DMTF1: variants seen among roughly 807,000 people sequenced by gnomAD.
DMTF1 encodes cyclin D binding myb like transcription factor 1.
In DMTF1, 39 loss-of-function variants were observed where a neutral mutation model predicts 91.1. The observed-to-expected ratio is 0.43, with a 90% CI of 0.33 to 0.56. DMTF1 has a LOEUF of 0.56. DMTF1 is among the 20% of genes least tolerant of loss of function. The pLI, the probability that DMTF1 is intolerant of heterozygous loss-of-function variation, is 0.05. For missense variants in DMTF1, 750 were observed against 914.5 expected (o/e 0.82, Z 2.32); for synonymous variants, 338 against 309.5 (o/e 1.09, Z -0.97).
intron 4 of DMTF1, among the ~76,000 whole-genome samples, chr7:87,168,606 A>T (rs1212072653): frequency 6.6e-6 from 1 of 152,152 alleles, no homozygotes; most frequent in Non-Finnish European, 1.5e-5. Context: ...GCATTCACCA[A>T]GTCCTTTTTT....
chr7:87,189,041 C>T (rs1367664664), intron 13 of DMTF1, among the ~76,000 whole-genome samples: 1 of 152,110 alleles, frequency 6.6e-6, no homozygotes, highest in Non-Finnish European at 1.5e-5. Context: ...TAGTCTCAAC[C>T]AGGTGATTAT....
At chr7:87,175,614 T>G (rs1796103887) in intron 7 of DMTF1, among the ~76,000 whole-genome samples, 1 of 152,260 alleles carries the variant, frequency 6.6e-6, no homozygotes, top group East Asian at 1.9e-4. Flanking sequence ...TGTACAAGAT[T>G]ACAGAAAGAA....
intron 3 of DMTF1, 70 bp from the exon 4 acceptor site, chr7:87,166,413 G>C (rs1584261282): frequency 2.7e-6 from 4 of 1,493,988 alleles, no homozygotes; most frequent in Non-Finnish European, 3.6e-6. Flanking sequence ...GAAAATTGTA[G>C]AGCCATTGTT....
intron 1 of DMTF1, among the ~76,000 whole-genome samples, chr7:87,161,403 G>A (rs186743995): frequency 0.011 from 1,728 of 152,308 alleles, 31 homozygotes; most frequent in African/African-American, 0.039. Flanking sequence ...TCAGGAGGCT[G>A]AGGCAGGAGA....
At chr7:87,192,196 A>G (rs1049466341) in intron 14 of DMTF1, among the ~76,000 whole-genome samples, 5 of 152,134 alleles carry the variant, frequency 3.3e-5, no homozygotes, top group African/African-American at 4.8e-5. Context: ...TATTAACAGG[A>G]TAATAATAGT....
chr7:87,183,675 C>T (rs1317161013), intron 10 of DMTF1, among the ~76,000 whole-genome samples: 1 of 152,040 alleles, frequency 6.6e-6, no homozygotes, highest in African/African-American at 2.4e-5. Context: ...CTAGTAATAA[C>T]AAAATGGAAA....
chr7:87,164,394 T>C (rs1246178526), intron 2 of DMTF1: 2 of 152,248 alleles, frequency 1.3e-5, no homozygotes, highest in Non-Finnish European at 2.9e-5. Flanking sequence ...ACTCGTCTTT[T>C]AAAATTACAA....
intron 8 of DMTF1, 94 bp downstream of exon 8, chr7:87,179,796 G>A: frequency 1.7e-6 from 2 of 1,172,284 alleles, no homozygotes; most frequent in Non-Finnish European, 2.4e-6. Flanking sequence ...TATGGTCAAG[G>A]TATTAATTGT....
chr7:87,186,134 C>A, intron 12 of DMTF1, 154 bp downstream of exon 12: 1 of 769,666 alleles, frequency 1.3e-6, no homozygotes, highest in Non-Finnish European at 2.1e-6. Context: ...TTGTTTCCTT[C>A]CCCAGAGAAG....
intron 7 of DMTF1, among the ~76,000 whole-genome samples, chr7:87,177,807 G>C (rs1313817211): frequency 6.7e-6 from 1 of 149,822 alleles, no homozygotes; most frequent in African/African-American, 2.5e-5. Flanking sequence ...AATTTACAGT[G>C]TCCATTCTGT....
At chr7:87,162,232 C>T (rs1355871832) in intron 1 of DMTF1, among the ~76,000 whole-genome samples, 1 of 152,116 alleles carries the variant, frequency 6.6e-6, no homozygotes, top group South Asian at 2.1e-4. Flanking sequence ...CACCACCACA[C>T]CTGGCTAATT....
At position 87,174,604 on chromosome 7, in the gene DMTF1, A is replaced by G; in HGVS notation, c.454A>G (p.Lys152Glu). ...DSLTNKGHKW[K>E]QGMWSKEEID... ...GTTTTCTTTTAAAGGACATAAATGG[A>G]AGCAGGGGATGTGGTCCAAGGAAGA... The change falls in exon 7 of 18, where the codon AAG becomes GAG. Residue 152 changes from lysine (K) to glutamate (E), a missense_variant. Transcript: ENST00000331242. 1 of 1,608,238 alleles carries G rather than the reference A, an allele frequency of 6.2e-7. No individual in the cohort carries two copies. Among genetic ancestry groups the G allele is most frequent in the Admixed American group, 1.7e-5 (1 of 59,598 alleles).
chr7:87,160,791 AT>A (rs1792126319), intron 1 of DMTF1, among the ~76,000 whole-genome samples: 1 of 152,082 alleles, frequency 6.6e-6, no homozygotes, highest in Non-Finnish European at 1.5e-5. Flanking sequence ...TTCTTAGTTA[AT>A]ACCTCTTAGG....
rs1283983402 is a variant in DMTF1, at chr7:87,195,741, A to T, written c.*601A>T. ...AAAGCATTAAAAGTTAAAATTCACT[A>T]CAGGTTTTTTGTTACTTTTAAAGGG... On this transcript the variant is annotated 3_prime_UTR_variant, in exon 18 of 18. Coordinates refer to ENST00000331242, the MANE Select transcript of DMTF1 (RefSeq NM_001142327.2). 1 of 152,514 alleles carries T rather than the reference A, an allele frequency of 6.6e-6. No individual in the cohort carries two copies. The highest frequency in any genetic ancestry group is 1.5e-5 in the Non-Finnish European group (1 of 67,986). 9.4% of individuals were successfully genotyped at this position (152,514 alleles called of 1,614,324 possible).
chr7:87,190,965 A>G lies in DMTF1; in HGVS notation c.1432A>G (p.Thr478Ala). 1.2e-6 allele frequency: 2 copies of G among 1,610,714 alleles called. No homozygotes were observed. The highest frequency in any genetic ancestry group is 1.7e-5 in the Admixed American group (1 of 59,676). The part of the protein sequence containing the change: ...THVSSADSPA[T>A]VDSETITLNS... Reference sequence around the variant, plus strand: ...CACAGCTTCAGCAGACTCTCCTGCTACCGTTGACTCAGAAACAATAACACT... The same window carrying G: ...CACAGCTTCAGCAGACTCTCCTGCTGCCGTTGACTCAGAAACAATAACACT... Residue 478 changes from threonine (T) to alanine (A), a missense_variant, in exon 14 of 18, where the codon ACC (threonine) becomes GCC (alanine). Transcript: ENST00000331242.
At chr7:87,185,787 A>T in intron 11 of DMTF1, 42 bp from the exon 12 acceptor site, 2 of 1,610,010 alleles carry the variant, frequency 1.2e-6, no homozygotes, top group Non-Finnish European at 1.7e-6. Flanking sequence ...TCTTATAGAG[A>T]AATTAATTTA....
rs370188387 is a variant in DMTF1, at chr7:87,166,499, C to T, written c.126C>T (p.Asp42=). The T allele has an allele frequency of 4.3e-6, 7 of 1,612,604 alleles. No individual in the cohort carries two copies. The highest frequency in any genetic ancestry group is 2.7e-5 in the African/African-American group (2 of 74,940). ...TTCCATTAGAAGCGGATGAAATAGA[C>T]TCAGAAGATAGTATTGAACCTCCAC... ...HCPQNEADEI[D]SEDSIEPPHK... The change falls in exon 4 of 18, where the codon GAC becomes GAT. Residue 42 remains aspartate, a synonymous_variant. Transcript: ENST00000331242.
chr7:87,153,023 G>A (rs1789597642), intron 1 of DMTF1: 1 of 154,050 alleles, frequency 6.5e-6, no homozygotes, highest in Non-Finnish European at 1.5e-5. Context: ...TTTGTTTTAT[G>A]GTCCAGCGTA....
rs113684611 is a variant in DMTF1 at position 87,185,385 on chromosome 7, AT to A, written c.1050-435del. ...TTGCTTTTGTGTTATTTTGTTTTGG[AT>A]TTTTTTTTCAACTAGTCATCTTTAT... is the stretch of plus-strand genomic sequence containing the variant. On this transcript the variant is annotated intron_variant, in intron 11 of 17. Transcript: ENST00000331242. Among the ~76,000 whole-genome samples the A allele has an allele frequency of 1.7e-4, 26 of 151,274 alleles. No homozygotes were observed. The East Asian group carries it at 2.1e-3, about 12-fold the overall frequency.
Sources: allele counts gnomAD v4.1 joint callset (sites outside exome capture counted in the v4.1 genomes callset), GRCh38; gene constraint gnomAD v4.1.1; transcripts MANE v1.5; gene names NCBI Gene and HGNC (gene_info 2026-07-23, HGNC 2026-07-21).